Variants in SAG observed in about 807,000 individuals in gnomAD.
SAG encodes S-antigen visual arrestin, also known as S-arrestin.
Under a neutral mutation model 55.0 loss-of-function variants are expected in SAG, and 45 were observed. That is an observed-to-expected ratio of 0.82 (90% CI 0.64 to 1.05). The LOEUF (loss-of-function observed/expected upper bound fraction) is 1.05, where lower values mean the gene tolerates loss of function less well. SAG is among the 50% of genes least tolerant of loss of function. The probability of loss-of-function intolerance (pLI) is 0.00; values close to 1 mark genes in which losing one functional copy is unlikely to be tolerated. For missense variants in SAG, 455 were observed against 512.1 expected (o/e 0.89, Z 1.08); for synonymous variants, 189 against 197.4 (o/e 0.96, Z 0.36).
At chr2:233,326,277 G>A (rs1044302075) in intron 6 of SAG, among the ~76,000 whole-genome samples, 3 of 152,198 alleles carry the variant, frequency 2.0e-5, no homozygotes, top group South Asian at 4.1e-4. Context: ...CAAATTCCAC[G>A]TGAAGTTTCT....
intron 5 of SAG, among the ~76,000 whole-genome samples, chr2:233,322,627 C>A (rs969597820): frequency 1.7e-4 from 26 of 152,038 alleles, no homozygotes; most frequent in African/African-American, 6.0e-4. Context: ...ATGGTGAAAC[C>A]CCATCTCTAG....
chr2:233,308,352 CT>C (rs1199563882), intron 1 of SAG, among the ~76,000 whole-genome samples: 3 of 152,084 alleles, frequency 2.0e-5, no homozygotes, highest in Non-Finnish European at 4.4e-5. Flanking sequence ...ACCTGTAGTC[CT>C]GGCTACTCAG....
Position 233,319,795 on chromosome 2 carries a change from G to T in SAG, c.182-835G>T. The stretch of plus-strand genomic sequence containing the variant: ...CACGTGGTCTCTGGGCACCTTCTTA[G>T]TCCTGAGCTTGAATGAGGGGCGAGT... On this transcript the variant is annotated intron_variant, in intron 4 of 15. Transcript: ENST00000409110. This position sits in a 1 kb window ranked among gnomAD's most constrained non-coding sequence, Gnocchi z 4.4. 1 of 985,468 alleles carries T rather than the reference G, an allele frequency of 1.0e-6. No individual in the cohort carries two copies. Among genetic ancestry groups the T allele is most frequent in the Non-Finnish European group, 1.2e-6 (1 of 829,896 alleles). The allele number at this position is 985,468 out of a possible 1,614,324, so 61.0% of individuals were successfully genotyped here.
intron 11 of SAG, among the ~76,000 whole-genome samples, chr2:233,335,927 T>C (rs1455079762): frequency 6.6e-6 from 1 of 152,234 alleles, no homozygotes; most frequent in Non-Finnish European, 1.5e-5. Flanking sequence ...GCTGGGAGAC[T>C]GGATTGTTTG....
intron 12 of SAG, 40 bp downstream of exon 12, chr2:233,338,793 G>C: frequency 6.6e-7 from 1 of 1,518,822 alleles, no homozygotes; most frequent in Non-Finnish European, 9.1e-7. Flanking sequence ...GCTCTGTCCT[G>C]GTCTTAGATG....
In SAG at chr2:233,335,548, T is replaced by C. The variant is rs574560471; in HGVS notation, c.944+449T>C. Among the ~76,000 whole-genome samples the C allele has an allele frequency of 3.3e-5, 5 of 151,950 alleles. No individual in the cohort carries two copies. The South Asian group carries it at 1.0e-3, about 32-fold the overall frequency. ...ACTAGCTAGTGTGGTGCCCTAAGCA[T>C]GTAAACTGAGTAATGCTCTTGGCTG... On this transcript the variant is annotated intron_variant, in intron 11 of 15. Coordinates refer to ENST00000409110, the MANE Select transcript of SAG (RefSeq NM_000541.5).
intron 14 of SAG, 82 bp from the exon 15 acceptor site, chr2:233,346,321 G>T: frequency 6.9e-7 from 1 of 1,455,624 alleles, no homozygotes; most frequent in South Asian, 1.1e-5. Flanking sequence ...ACATTTTCTA[G>T]GTACAGCTAT....
intron 14 of SAG, chr2:233,343,548 T>A (rs994757657): frequency 2.1e-6 from 1 of 469,660 alleles, no homozygotes; most frequent in African/African-American, 2.1e-5. Flanking sequence ...TGAAAACATA[T>A]AAAAACCACT....
At chr2:233,337,491 C>G (rs6734243) in intron 11 of SAG, among the ~76,000 whole-genome samples, 95,262 of 152,000 alleles carry the variant, frequency 0.63, 30,276 homozygotes, top group South Asian at 0.71. Flanking sequence ...TGCCCGCCTC[C>G]GTCTCCCAAA....
chr2:233,331,481 C>T (rs1391906097), intron 9 of SAG, 159 bp from the exon 10 acceptor site: 1 of 689,354 alleles, frequency 1.5e-6, no homozygotes, highest in African/African-American at 1.8e-5. Flanking sequence ...ACTTCAAAAC[C>T]CCAGCCTTGA....
chr2:233,316,158 T>C, intron 3 of SAG, 23 bp downstream of exon 3: 1 of 1,439,150 alleles, frequency 6.9e-7, no homozygotes, highest in Non-Finnish European at 9.7e-7. Context: ...GAGAAAACTG[T>C]AATGCTGGTT....
At chr2:233,328,435 C>T (rs1293841446) in intron 7 of SAG, 43 bp from the exon 8 acceptor site, 11 of 1,597,414 alleles carry the variant, frequency 6.9e-6, no homozygotes, top group Non-Finnish European at 9.4e-6. Context: ...CCTAAAGCGG[C>T]CTGGGTGCCA....
chr2:233,338,634 C>T (rs1237288078), intron 11 of SAG, 42 bp from the exon 12 acceptor site: 2 of 1,564,582 alleles, frequency 1.3e-6, no homozygotes, highest in South Asian at 2.2e-5. Flanking sequence ...CTTCACCCTC[C>T]TCTGCTCTCC....
chr2:233,316,014 A>C, intron 2 of SAG, 61 bp from the exon 3 acceptor site: 7 of 1,044,204 alleles, frequency 6.7e-6, no homozygotes, highest in African/African-American at 1.7e-5. Context: ...GCTGGTTTTT[A>C]TCATGGATGC....
intron 15 of SAG, 112 bp from the exon 16 acceptor site, chr2:233,346,695 A>G (rs554735715): frequency 2.7e-4 from 224 of 826,504 alleles, no homozygotes; most frequent in Middle Eastern, 2.5e-3. Flanking sequence ...CCCATGTTCT[A>G]TCATGGGGAA....
chr2:233,331,016 A>G (rs1205899186), intron 9 of SAG, among the ~76,000 whole-genome samples: 2 of 152,046 alleles, frequency 1.3e-5, no homozygotes, highest in Admixed American at 6.5e-5. Context: ...GTTCAAGACC[A>G]GCCTGGGCAA....
intron 7 of SAG, 120 bp downstream of exon 7, chr2:233,327,317 C>T: frequency 1.4e-6 from 1 of 733,708 alleles, no homozygotes; most frequent in South Asian, 1.7e-5. Context: ...GCTGGGGTAC[C>T]ATCTGCATGT....
At chr2:233,345,114 C>G (rs565937134) in intron 14 of SAG, 1 of 152,320 alleles carries the variant, frequency 6.6e-6, no homozygotes, top group East Asian at 1.9e-4. Context: ...GGCTCACCAT[C>G]AAATCGCCGC....
chr2:233,342,762 A>C, intron 14 of SAG: 1 of 155,210 alleles, frequency 6.4e-6, no homozygotes, highest in Non-Finnish European at 1.4e-5. Context: ...AAAGAAGATA[A>C]TTTTTTTTTT....
Sources: allele counts gnomAD v4.1 joint callset (sites outside exome capture counted in the v4.1 genomes callset), GRCh38; gene constraint gnomAD v4.1.1; non-coding constraint Gnocchi (gnomAD v3.1); transcripts MANE v1.5; gene names NCBI Gene and HGNC (gene_info 2026-07-23, HGNC 2026-07-21).